RPTOR: variants seen among roughly 807,000 people sequenced by gnomAD.
RPTOR encodes regulatory-associated protein of mTOR.
In RPTOR, 21 loss-of-function variants were observed where a neutral mutation model predicts 169.9. The ratio of observed to expected loss-of-function variants is 0.12; its 90% CI spans 0.09 to 0.18. The LOEUF is 0.18. Among genes scored for constraint, RPTOR ranks in the 10% least tolerant of loss-of-function variants. The probability of loss-of-function intolerance (pLI) is 1.00; values close to 1 mark genes in which losing one functional copy is unlikely to be tolerated. For missense variants in RPTOR, 1,133 were observed against 1,855.9 expected (o/e 0.61, Z 7.16); for synonymous variants, 732 against 753.2 (o/e 0.97, Z 0.46).
At chr17:80,953,481 T>TGCCAA (rs1200383358) in intron 28 of RPTOR, among the ~76,000 whole-genome samples, 1 of 152,228 alleles carries the variant, frequency 6.6e-6, no homozygotes, top group Non-Finnish European at 1.5e-5. Context: ...AAAATGTCTG[T>TGCCAA]GCCAAGCCAA....
intron 6 of RPTOR, among the ~76,000 whole-genome samples, chr17:80,775,215 T>A (rs2066882163): frequency 6.6e-6 from 1 of 152,232 alleles, no homozygotes; most frequent in Non-Finnish European, 1.5e-5. Flanking sequence ...TCAGCCATTT[T>A]CTCTGTGCTG....
At chr17:80,635,208 C>G (rs745418621) in intron 2 of RPTOR, among the ~76,000 whole-genome samples, 18 of 152,196 alleles carry the variant, frequency 1.2e-4, no homozygotes, top group Non-Finnish European at 1.5e-4. Flanking sequence ...ATCTGCCTTT[C>G]TCACTGCCCT....
chr17:80,783,484 T>A (rs901029541), intron 6 of RPTOR, among the ~76,000 whole-genome samples: 5 of 152,260 alleles, frequency 3.3e-5, no homozygotes, highest in South Asian at 2.1e-4. Context: ...ATTTCTTTTT[T>A]AAAAAACTGA....
rs527294590 is a variant in RPTOR at position 80,965,370 on chromosome 17, G to A, written c.*1040G>A. ...GACGGCTCCGGGTGACACCAGCCCC[G>A]TCTCCAGCCTTGAGCCGCCCATGCT... On this transcript the variant is annotated 3_prime_UTR_variant, in exon 34 of 34. Coordinates refer to ENST00000306801, the MANE Select transcript of RPTOR (RefSeq NM_020761.3). 7.5e-4 allele frequency: 174 copies of A among 233,376 alleles called. No individual in the cohort carries two copies. Among genetic ancestry groups the A allele is most frequent in the South Asian group, 2.9e-3 (16 of 5,534 alleles). The allele number at this position is 233,376 out of a possible 1,614,324, so 14.5% of individuals were successfully genotyped here. A position where few individuals can be genotyped will look rare whatever the true frequency, so the allele number is the denominator to read the frequency against.
chr17:80,763,139 G>A (rs1414587240), intron 6 of RPTOR, among the ~76,000 whole-genome samples: 2 of 152,066 alleles, frequency 1.3e-5, no homozygotes, highest in East Asian at 1.9e-4. Flanking sequence ...TCAGTTCCTC[G>A]GGAGGCTGAG....
chr17:80,619,563 G>C (rs936842672), intron 1 of RPTOR, among the ~76,000 whole-genome samples: 101 of 152,278 alleles, frequency 6.6e-4, no homozygotes, highest in African/African-American at 2.1e-3. Flanking sequence ...GAGGTGATCT[G>C]GTCTGCAGGC....
At chr17:80,890,988 G>GA (rs1045104121) in intron 17 of RPTOR, among the ~76,000 whole-genome samples, 29 of 146,788 alleles carry the variant, frequency 2.0e-4, no homozygotes, top group East Asian at 9.9e-4. Flanking sequence ...TTTCTTTTCA[G>GA]AAAAAAAAAA....
At chr17:80,566,781 G>A (rs1164709529) in intron 1 of RPTOR, among the ~76,000 whole-genome samples, 15 of 119,970 alleles carry the variant, frequency 1.3e-4, no homozygotes, top group African/African-American at 3.0e-4. Flanking sequence ...CCAAGACCGC[G>A]CCACTGCACT....
chr17:80,644,483 A>G (rs1567836567), intron 3 of RPTOR, among the ~76,000 whole-genome samples: 1 of 152,164 alleles, frequency 6.6e-6, no homozygotes, highest in Non-Finnish European at 1.5e-5. Context: ...TAAATTTAAT[A>G]AAAAACTAAG....
intron 19 of RPTOR, 69 bp from the exon 20 acceptor site, chr17:80,893,638 T>C (rs2068361852): frequency 6.5e-7 from 1 of 1,527,162 alleles, no homozygotes; most frequent in African/African-American, 1.4e-5. Flanking sequence ...ATCTCAGTCA[T>C]GCCATTAACT....
At position 80,633,321 on chromosome 17, in the gene RPTOR, T is replaced by C. The variant is rs542946838; in HGVS notation, c.265+7528T>C. 6.6e-6 allele frequency among the ~76,000 whole-genome samples: 1 copy of C among 152,308 alleles called. No individual in the cohort carries two copies. Among genetic ancestry groups the C allele is most frequent in the Non-Finnish European group, 1.5e-5 (1 of 68,024 alleles). ...GTGTGACTGCCACGTAAGCGTCCGC[T>C]GCATGCAGGTTTGCCAGTGTCCCAG... On this transcript the variant is annotated intron_variant, in intron 2 of 33. Transcript: ENST00000306801. The surrounding 1 kb of genome is among the most constrained non-coding windows in gnomAD (Gnocchi z 4.1).
Position 80,947,166 on chromosome 17 carries a change from C to T in RPTOR, c.3141-61C>T, listed in dbSNP as rs1353150825. The T allele has an allele frequency of 5.4e-6, 8 of 1,469,204 alleles. No homozygotes were observed. Among genetic ancestry groups the T allele is most frequent in the Non-Finnish European group, 7.2e-6 (8 of 1,105,086 alleles). 91.0% of individuals were successfully genotyped at this position (1,469,204 alleles called of 1,614,324 possible). On this transcript the variant is annotated intron_variant, in intron 26 of 33. Transcript: ENST00000306801. The surrounding 1 kb of genome is among the most constrained non-coding windows in gnomAD (Gnocchi z 4.4). ...GCCCGGTGGGTTTCAGGAGGTATCT[C>T]ACTGTCATTTGGGTTTGCAGTTTCC...
At chr17:80,953,017 AC>A (rs1426770544) in intron 28 of RPTOR, among the ~76,000 whole-genome samples, 1 of 151,296 alleles carries the variant, frequency 6.6e-6, no homozygotes, top group African/African-American at 2.4e-5. Flanking sequence ...GGGTCGCACC[AC>A]CACGCCTGGC....
At chr17:80,958,648 C>G (rs1036324004) in intron 29 of RPTOR, among the ~76,000 whole-genome samples, 1 of 151,922 alleles carries the variant, frequency 6.6e-6, no homozygotes, top group African/African-American at 2.4e-5. Flanking sequence ...CTCCTGACCT[C>G]GTGATCCGCC....
rs1232987354 is a variant in RPTOR at position 80,857,777 on chromosome 17, C to T, written c.1399-13C>T. The stretch of plus-strand genomic sequence containing the variant: ...TGCGGCACAGGTGCGCTGACGCCCT[C>T]CCTCGCCCCCAGGCCTTGTCTGTCG... On this transcript the variant is annotated splice_polypyrimidine_tract_variant and intron_variant, in intron 12 of 33. Coordinates refer to ENST00000306801, the MANE Select transcript of RPTOR (RefSeq NM_020761.3). 6.3e-7 allele frequency: 1 copy of T among 1,599,314 alleles called. No individual in the cohort carries two copies. Among genetic ancestry groups the T allele is most frequent in the South Asian group, 1.1e-5 (1 of 90,806 alleles).
At chr17:80,962,147 T>G (rs560332931) in intron 31 of RPTOR, among the ~76,000 whole-genome samples, 9 of 152,226 alleles carry the variant, frequency 5.9e-5, no homozygotes, top group Non-Finnish European at 1.0e-4. Context: ...TAGCTGGAAA[T>G]GAAACCAGGA....
At position 80,883,796 on chromosome 17, in the gene RPTOR, G is replaced by T; in HGVS notation, c.1666G>T (p.Gly556Ter). Residue 556 changes from glycine to a stop codon, truncating the protein, a stop_gained, in exon 16 of 34, where the codon GGA becomes TGA. Coordinates refer to ENST00000306801, the MANE Select transcript of RPTOR (RefSeq NM_020761.3). LOFTEE classifies it high-confidence loss of function. ...YHTGQEACLQ[G>*]NLIAICLEQL... ...GCCTCTGCAGGAAGCCTGCCTTCAG[G>T]GAAACCTCATTGCCATCTGCCTGGA... The T allele has an allele frequency of 6.2e-7, 1 of 1,613,646 alleles. No homozygotes were observed.
chr17:80,785,250 C>T (rs1567910095), intron 6 of RPTOR, among the ~76,000 whole-genome samples: 1 of 152,130 alleles, frequency 6.6e-6, no homozygotes, highest in Non-Finnish European at 1.5e-5. Context: ...GGTCAGGATA[C>T]AGAAAAGCAA....
chr17:80,846,463 TG>T lies in RPTOR; in HGVS notation c.1213-9del. 1 of 1,613,164 alleles carries T rather than the reference TG, an allele frequency of 6.2e-7. No individual in the cohort carries two copies. Among genetic ancestry groups the T allele is most frequent in the Non-Finnish European group, 8.5e-7 (1 of 1,179,520 alleles). On this transcript the variant is annotated splice_polypyrimidine_tract_variant and intron_variant, in intron 10 of 33. Coordinates refer to ENST00000306801, the MANE Select transcript of RPTOR (RefSeq NM_020761.3). ...GGCCCTAACAAGCACCTGTTCTGCT[TG>T]CCCCGCAGCACAGCCCGTTCTTCGC...
Sources: allele counts gnomAD v4.1 joint callset (sites outside exome capture counted in the v4.1 genomes callset), GRCh38; gene constraint gnomAD v4.1.1; non-coding constraint Gnocchi (gnomAD v3.1); transcripts MANE v1.5; gene names NCBI Gene and HGNC (gene_info 2026-07-23, HGNC 2026-07-21).